The following RGS7 variants were observed in gnomAD, a reference collection of about 807,000 sequenced individuals.
RGS7 encodes regulator of G-protein signaling 7.
In RGS7, 27 loss-of-function variants were observed where a neutral mutation model predicts 81.1. The observed-to-expected ratio is 0.33, with a 90% CI of 0.25 to 0.46. RGS7 has a LOEUF of 0.46. Among genes scored for constraint, RGS7 ranks in the 20% least tolerant of loss-of-function variants. The pLI, the probability that RGS7 is intolerant of heterozygous loss-of-function variation, is 1.00. For synonymous variants in RGS7, 208 were observed against 207.7 expected (o/e 1.00, Z -0.01); for missense variants, 396 against 607.4 (o/e 0.65, Z 3.66).
intron 2 of RGS7, among the ~76,000 whole-genome samples, chr1:241,145,206 C>T (rs985286834): frequency 1.4e-4 from 21 of 151,834 alleles, no homozygotes; most frequent in South Asian, 2.1e-4. Flanking sequence ...TTAGTAGAGA[C>T]GGGGTTTCAC....
Position 241,163,384 on chromosome 1 carries a change from G to C in RGS7, c.79-64622C>G, listed in dbSNP as rs555923245. On this transcript the variant is annotated intron_variant, in intron 2 of 18. Transcript: ENST00000440928. This position sits in a 1 kb window ranked among gnomAD's most constrained non-coding sequence, Gnocchi z 4.6. ...CATATTTTGAGATGGATGTTCAGAG[G>C]GCCAGCAGATAGAAGTAGCCATGCA... 7.2e-5 allele frequency among the ~76,000 whole-genome samples: 11 copies of C among 152,196 alleles called. No individual in the cohort carries two copies. In the South Asian group the frequency reaches 2.3e-3, roughly 32 times the overall value.
intron 2 of RGS7, among the ~76,000 whole-genome samples, chr1:241,239,811 C>G (rs2076180378): frequency 6.6e-6 from 1 of 152,186 alleles, no homozygotes; most frequent in Non-Finnish European, 1.5e-5. Flanking sequence ...CAAATAAGGA[C>G]TATAGAAGAT....
chr1:240,941,440 G>C (rs1469094267), intron 4 of RGS7, among the ~76,000 whole-genome samples: 2 of 152,070 alleles, frequency 1.3e-5, no homozygotes, highest in Non-Finnish European at 2.9e-5. Flanking sequence ...GACAAGTTTA[G>C]CACTCAGCAT....
chr1:241,127,520 C>T (rs895570571), intron 2 of RGS7, among the ~76,000 whole-genome samples: 1 of 152,124 alleles, frequency 6.6e-6, no homozygotes, highest in Non-Finnish European at 1.5e-5. Context: ...GGAAGGGGAA[C>T]ATCACACACC....
chr1:240,898,546 T>C (rs1669467237), intron 6 of RGS7, among the ~76,000 whole-genome samples: 1 of 152,210 alleles, frequency 6.6e-6, no homozygotes, highest in Admixed American at 6.5e-5. Context: ...ATGTACCCAG[T>C]AGTCATTCAG....
At chr1:241,221,092 A>AAGG (rs2074969036) in intron 2 of RGS7, among the ~76,000 whole-genome samples, 3 of 138,466 alleles carry the variant, frequency 2.2e-5, no homozygotes, top group South Asian at 5.2e-4. Context: ...AGGAAGGAAG[A>AAGG]AAGGAAGGAA....
At chr1:241,249,548 C>T (rs2076728272) in intron 2 of RGS7, among the ~76,000 whole-genome samples, 1 of 152,076 alleles carries the variant, frequency 6.6e-6, no homozygotes, top group Non-Finnish European at 1.5e-5. Context: ...TTGGCAATTC[C>T]AGACCTTTTT....
intron 2 of RGS7, among the ~76,000 whole-genome samples, chr1:241,140,897 C>T (rs1054125048): frequency 2.0e-4 from 30 of 152,122 alleles, no homozygotes; most frequent in Admixed American, 1.2e-3. Flanking sequence ...ACAACATTAC[C>T]CACTAGTGCC....
intron 18 of RGS7, among the ~76,000 whole-genome samples, chr1:240,780,789 C>T (rs1683887951): frequency 1.3e-5 from 2 of 151,540 alleles, no homozygotes; most frequent in Non-Finnish European, 2.9e-5. Context: ...TGGTGCGTGC[C>T]TGTAGTCCCA....
intron 18 of RGS7, among the ~76,000 whole-genome samples, chr1:240,789,298 T>A (rs895711759): frequency 6.6e-5 from 10 of 152,174 alleles, no homozygotes; most frequent in African/African-American, 2.4e-4. Flanking sequence ...CTCAGGACCA[T>A]GTGATGATTG....
At chr1:241,048,660 ACT>A (rs1324660739) in intron 3 of RGS7, among the ~76,000 whole-genome samples, 2 of 152,152 alleles carry the variant, frequency 1.3e-5, no homozygotes, top group African/African-American at 2.4e-5. Flanking sequence ...AAATACTGAC[ACT>A]CTCCTTCTGA....
intron 2 of RGS7, among the ~76,000 whole-genome samples, chr1:241,209,697 C>A (rs546493160): frequency 6.6e-5 from 10 of 151,974 alleles, no homozygotes; most frequent in African/African-American, 2.2e-4. Flanking sequence ...ATTAGCTGGG[C>A]AGCCTGGCAT....
chr1:241,266,368 T>C (rs934212790), intron 2 of RGS7, among the ~76,000 whole-genome samples: 10 of 152,254 alleles, frequency 6.6e-5, no homozygotes, highest in African/African-American at 2.4e-4. Flanking sequence ...TCAAAATAAT[T>C]GGGTGCCTCA....
chr1:241,180,943 G>A (rs1573012193), intron 2 of RGS7, among the ~76,000 whole-genome samples: 1 of 152,226 alleles, frequency 6.6e-6, no homozygotes, highest in African/African-American at 2.4e-5. Context: ...GTAAGTGAAG[G>A]AAGCCAATCC....
chr1:240,964,094 CACAG>C (rs1375709648), intron 4 of RGS7, among the ~76,000 whole-genome samples: 1 of 152,190 alleles, frequency 6.6e-6, no homozygotes, highest in Admixed American at 6.5e-5. Context: ...GGAAGCTCAA[CACAG>C]ACAGCAAGAG....
chr1:240,975,684 G>T (rs936066653), intron 4 of RGS7, among the ~76,000 whole-genome samples: 4 of 152,144 alleles, frequency 2.6e-5, no homozygotes, highest in African/African-American at 9.7e-5. Flanking sequence ...TTTTTATTTT[G>T]ATAAATTTGC....
At chr1:241,171,466 A>G (rs1296489647) in intron 2 of RGS7, among the ~76,000 whole-genome samples, 1 of 152,116 alleles carries the variant, frequency 6.6e-6, no homozygotes, top group Admixed American at 6.5e-5. Context: ...TTATCCATCT[A>G]TTAATTCAAT....
intron 2 of RGS7, among the ~76,000 whole-genome samples, chr1:241,160,264 T>C (rs57607058): frequency 0.014 from 2,079 of 152,318 alleles, 31 homozygotes; most frequent in African/African-American, 0.047. Context: ...ACTCAGCCCA[T>C]GGATCAACAA....
intron 6 of RGS7, among the ~76,000 whole-genome samples, chr1:240,883,247 G>A (rs1314849433): frequency 6.6e-6 from 1 of 151,908 alleles, no homozygotes; most frequent in Non-Finnish European, 1.5e-5. Context: ...GAGTTAATGG[G>A]TGCAGCACAC....
Sources: allele counts gnomAD v4.1 joint callset (sites outside exome capture counted in the v4.1 genomes callset), GRCh38; gene constraint gnomAD v4.1.1; non-coding constraint Gnocchi (gnomAD v3.1); transcripts MANE v1.5; gene names NCBI Gene and HGNC (gene_info 2026-07-23, HGNC 2026-07-21).